Variants in TAF1B observed in about 807,000 individuals in gnomAD.
TAF1B encodes the protein TATA box-binding protein-associated factor RNA polymerase I subunit B.
In TAF1B, 61 loss-of-function variants were observed where a neutral mutation model predicts 83.9. The observed-to-expected ratio is 0.73, with a 90% CI of 0.59 to 0.90. The LOEUF is 0.90. Among genes scored for constraint, TAF1B ranks in the 40% least tolerant of loss-of-function variants. The pLI is 0.00. For synonymous variants in TAF1B, 221 were observed against 224.6 expected (o/e 0.98, Z 0.14); for missense variants, 625 against 677.0 (o/e 0.92, Z 0.85).
intron 5 of TAF1B, among the ~76,000 whole-genome samples, chr2:9,861,110 G>A (rs991397066): frequency 2.0e-5 from 3 of 152,220 alleles, no homozygotes; most frequent in African/African-American, 4.8e-5. Context: ...GCAGGACAGC[G>A]GGTGCAGCAC....
chr2:9,875,031 G>C (rs1040265864), intron 6 of TAF1B, among the ~76,000 whole-genome samples: 1 of 151,172 alleles, frequency 6.6e-6, no homozygotes, highest in Admixed American at 6.6e-5. Context: ...GCAATGGCAC[G>C]ATCTCGGCTC....
At chr2:9,909,840 G>A (rs573098148) in intron 9 of TAF1B, among the ~76,000 whole-genome samples, 1 of 152,334 alleles carries the variant, frequency 6.6e-6, no homozygotes, top group South Asian at 2.1e-4. Context: ...CGGTCACAGA[G>A]CTAGTAAGTG....
At chr2:9,859,180 GC>G (rs1169169018) in intron 5 of TAF1B, among the ~76,000 whole-genome samples, 1 of 63,292 alleles carries the variant, frequency 1.6e-5, no homozygotes, top group Non-Finnish European at 3.7e-5. Context: ...CCTCTTGAAT[GC>G]TTTGCTGCTT....
At chr2:9,929,689 C>G (rs188197724) in intron 14 of TAF1B, among the ~76,000 whole-genome samples, 8 of 152,256 alleles carry the variant, frequency 5.3e-5, no homozygotes, top group Non-Finnish European at 8.8e-5. Flanking sequence ...CAGGATGATG[C>G]TGGCCTCATA....
chr2:9,916,654 A>ATATAT (rs1665688118), intron 12 of TAF1B, among the ~76,000 whole-genome samples: 1 of 152,196 alleles, frequency 6.6e-6, no homozygotes, highest in Non-Finnish European at 1.5e-5. Context: ...TGGCAAAAAA[A>ATATAT]TATATTTTAA....
At chr2:9,875,219 C>T (rs539792899) in intron 6 of TAF1B, among the ~76,000 whole-genome samples, 8 of 152,286 alleles carry the variant, frequency 5.3e-5, no homozygotes, top group Non-Finnish European at 8.8e-5. Flanking sequence ...CCTCCTTGGC[C>T]TCCCAAAGTG....
intron 8 of TAF1B, among the ~76,000 whole-genome samples, chr2:9,887,736 T>C (rs577949585): frequency 6.6e-6 from 1 of 152,232 alleles, no homozygotes; most frequent in Non-Finnish European, 1.5e-5. Flanking sequence ...GACATAATTA[T>C]CAGTATAGTT....
chr2:9,905,845 G>A (rs1241421664), intron 9 of TAF1B, among the ~76,000 whole-genome samples: 1 of 152,012 alleles, frequency 6.6e-6, no homozygotes, highest in Non-Finnish European at 1.5e-5. Flanking sequence ...ATAAATGTAA[G>A]TATTGTCATA....
At chr2:9,855,503 A>AC (rs1337361312) in intron 5 of TAF1B, among the ~76,000 whole-genome samples, 2 of 151,920 alleles carry the variant, frequency 1.3e-5, no homozygotes, top group East Asian at 3.9e-4. Flanking sequence ...ACATAATGAG[A>AC]CCCCAACTCT....
intron 5 of TAF1B, among the ~76,000 whole-genome samples, chr2:9,867,745 T>C (rs1664035676): frequency 6.6e-6 from 1 of 152,160 alleles, no homozygotes; most frequent in South Asian, 2.1e-4. Flanking sequence ...AGATAGTATA[T>C]CCTTGTTGAT....
intron 8 of TAF1B, among the ~76,000 whole-genome samples, chr2:9,901,380 T>A (rs1469098869): frequency 6.6e-6 from 1 of 152,206 alleles, no homozygotes; most frequent in East Asian, 1.9e-4. Flanking sequence ...TTCTCCTCAA[T>A]TCATATTCGA....
In TAF1B at chr2:9,843,497, AC is replaced by A; in HGVS notation, c.-42del. The A allele has an allele frequency of 6.6e-7, 1 of 1,518,628 alleles. No individual in the cohort carries two copies. Among genetic ancestry groups the A allele is most frequent in the Admixed American group, 2.0e-5 (1 of 49,376 alleles). 94.1% of individuals were successfully genotyped at this position (1,518,628 alleles called of 1,614,324 possible). On this transcript the variant is annotated 5_prime_UTR_variant, in exon 1 of 15. Transcript: ENST00000263663. ...GCCTTTCCCGGAAGCTGCGCTCGCT[AC>A]CCGGGTAACGGGTCCCGGCTGTGGA...
chr2:9,858,613 C>T (rs1383854107), intron 5 of TAF1B, among the ~76,000 whole-genome samples: 2 of 152,266 alleles, frequency 1.3e-5, no homozygotes, highest in Admixed American at 6.5e-5. Context: ...TCTGCCTGGA[C>T]ATCCAGGCAT....
intron 7 of TAF1B, 83 bp downstream of exon 7, chr2:9,876,101 A>G (rs912355868): frequency 1.0e-5 from 14 of 1,400,656 alleles, no homozygotes; most frequent in Non-Finnish European, 1.3e-5. Flanking sequence ...TTTGATTTTT[A>G]TAAGAAGGCT....
chr2:9,882,961 T>G (rs750031568), intron 8 of TAF1B, among the ~76,000 whole-genome samples, 156 bp downstream of exon 8: 4 of 152,240 alleles, frequency 2.6e-5, no homozygotes, highest in Non-Finnish European at 5.9e-5. Context: ...TTTTATTATT[T>G]TTTATTTTCC....
Position 9,914,823 on chromosome 2 carries a change from T to C in TAF1B, c.1271+1574T>C, listed in dbSNP as rs1330582287. ...ACACACGTGCAGTGTGAGTCACTGC[T>C]GAGTAATATGCGAAGCACTACCAAC... is the stretch of plus-strand genomic sequence containing the variant. On this transcript the variant is annotated intron_variant, in intron 12 of 14. Coordinates refer to ENST00000263663, the MANE Select transcript of TAF1B (RefSeq NM_005680.3). The surrounding 1 kb of genome is among the most constrained non-coding windows in gnomAD (Gnocchi z 4.3). Among the ~76,000 whole-genome samples, 1 of 152,172 alleles carries C rather than the reference T, an allele frequency of 6.6e-6. No homozygotes were observed. Among genetic ancestry groups the C allele is most frequent in the East Asian group, 1.9e-4 (1 of 5,192 alleles).
chr2:9,854,245 A>G (rs1349737514), intron 4 of TAF1B, 81 bp from the exon 5 acceptor site: 4 of 930,712 alleles, frequency 4.3e-6, no homozygotes, highest in Non-Finnish European at 6.9e-6. Flanking sequence ...TTTAAAGTAC[A>G]AGAGAGCTGT....
chr2:9,911,715 A>T (rs1645189254), intron 11 of TAF1B, among the ~76,000 whole-genome samples, 158 bp downstream of exon 11: 1 of 152,136 alleles, frequency 6.6e-6, no homozygotes, highest in African/African-American at 2.4e-5. Flanking sequence ...TCATATAATT[A>T]CCTACTTGTA....
At chr2:9,907,402 A>G (rs1425004657) in intron 9 of TAF1B, among the ~76,000 whole-genome samples, 1 of 151,926 alleles carries the variant, frequency 6.6e-6, no homozygotes, top group Non-Finnish European at 1.5e-5. Flanking sequence ...AAAAGAAGAG[A>G]TCTATGTATG....
Sources: gnomAD v4.1 joint callset for allele counts (sites outside exome capture counted in the v4.1 genomes callset) on GRCh38, gnomAD v4.1.1 for gene constraint, Gnocchi (gnomAD v3.1) non-coding constraint, MANE v1.5 for transcripts, NCBI Gene and HGNC (gene_info 2026-07-23, HGNC 2026-07-21) for gene names.